The following MGAT4B variants were observed in gnomAD, a reference collection of about 807,000 sequenced individuals.
The protein encoded by MGAT4B is N-acetylglucosaminyltransferase IVb.
MGAT4B carries 38 observed loss-of-function variants against 73.9 expected under a neutral mutation model. That is an observed-to-expected ratio of 0.51 (90% confidence interval 0.40 to 0.67). The LOEUF (loss-of-function observed/expected upper bound fraction) is 0.67, where lower values mean the gene tolerates loss of function less well. MGAT4B is among the 30% of genes least tolerant of loss of function. The pLI is 0.00. For missense variants in MGAT4B, 686 were observed against 735.2 expected, an observed-to-expected ratio of 0.93 and a Z score of 0.77; for synonymous variants, 373 against 313.5, an observed-to-expected ratio of 1.19 and a Z score of -2.01.
In MGAT4B at chr5:179,800,856, C is replaced by A. The variant is rs370216735; in HGVS notation, c.605+51G>T. On this transcript the variant is annotated intron_variant, in intron 5 of 14. Transcript: ENST00000292591. The stretch of plus-strand genomic sequence containing the variant: ...GAGGCAGGAACCTGCCAGCACAACA[C>A]CCCGCACCGAGCTCTCCCGCCACCA... 44 of 1,595,526 alleles carry A rather than the reference C, an allele frequency of 2.8e-5. No homozygotes were observed. The African/African-American group carries it at 5.0e-4, about 18-fold the overall frequency.
chr5:179,803,047 T>G, intron 1 of MGAT4B: 1 of 985,376 alleles, frequency 1.0e-6, no homozygotes, highest in Non-Finnish European at 1.2e-6. Flanking sequence ...ATGATCAAGG[T>G]CATGATCAGG....
intron 4 of MGAT4B, 40 bp from the exon 5 acceptor site, chr5:179,800,993 G>A (rs756925478): frequency 2.2e-5 from 36 of 1,607,976 alleles, no homozygotes; most frequent in Non-Finnish European, 2.8e-5. Flanking sequence ...CCCTGCTGCT[G>A]CCCCAAAAGG....
Position 179,800,800 on chromosome 5 carries a change from C to A in MGAT4B, c.605+107G>T, listed in dbSNP as rs538850025. On this transcript the variant is annotated intron_variant, in intron 5 of 14. Coordinates refer to ENST00000292591, the MANE Select transcript of MGAT4B (RefSeq NM_014275.5). ...CCTCCCCCACCAGGTCCCTGCCTCCCCACGAGATAGGAAAGGCACTATCTC... is the reference window on the plus strand; with the variant it reads ...CCTCCCCCACCAGGTCCCTGCCTCCACACGAGATAGGAAAGGCACTATCTC... The A allele has an allele frequency of 1.1e-4, 143 of 1,327,136 alleles. 1 individual carries two copies. In the African/African-American group the frequency reaches 2.0e-3, roughly 18 times the overall value. 82.2% of individuals were successfully genotyped at this position (1,327,136 alleles called of 1,614,324 possible).
chr5:179,800,933 C>T lies in MGAT4B; in HGVS notation c.579G>A (p.Ser193=), dbSNP rs200706511. The T allele has an allele frequency of 2.1e-5, 34 of 1,613,876 alleles. No homozygotes were observed. The highest frequency in any genetic ancestry group is 1.7e-4 in the Middle Eastern group (1 of 6,060). Residue 193 remains serine, a synonymous_variant, in exon 5 of 15, where the codon TCG becomes TCA. Transcript: ENST00000292591. ...LIAETDSQYT[S]AVTENIKALF... ...AGGCCTTGATGTTCTCTGTCACTGC[C>T]GAAGTGTACTGTGAGTCAGTCTGTG...
rs757679065 is a variant in MGAT4B at position 179,801,435 on chromosome 5, G to A, written c.457C>T (p.Arg153Cys). Residue 153 changes from arginine (R) to cysteine (C), a missense_variant, in exon 4 of 15, where the codon CGC becomes TGC. Coordinates refer to ENST00000292591, the MANE Select transcript of MGAT4B (RefSeq NM_014275.5). This position sits in a 1 kb window ranked among gnomAD's most constrained non-coding sequence, Gnocchi z 4.8. ...SVVMGIPSVR[R>C]EVHSYLTDTL... Reference sequence around the variant, plus strand: ...TCAGTCAGGTACGAGTGCACCTCGCGCCGCACGCTCGGGATGCCCATCACC... The same window carrying A: ...TCAGTCAGGTACGAGTGCACCTCGCACCGCACGCTCGGGATGCCCATCACC... The A allele has an allele frequency of 1.9e-6, 3 of 1,610,462 alleles. No individual in the cohort carries two copies. The highest frequency in any genetic ancestry group is 1.3e-5 in the African/African-American group (1 of 74,896).
chr5:179,798,504 C>T lies in MGAT4B; in HGVS notation c.1422+9G>A, dbSNP rs79572903. 2.4e-3 allele frequency: 3,799 copies of T among 1,613,454 alleles called. 78 individuals carry two copies. In the African/African-American group the frequency reaches 0.045, roughly 19 times the overall value. ...CGGCTTCAGTGCACACCACACCCAC[C>T]GAACTTACGTCGAAGGGCAGCACCT... On this transcript the variant is annotated intron_variant, in intron 12 of 14. Coordinates refer to ENST00000292591, the MANE Select transcript of MGAT4B (RefSeq NM_014275.5).
At position 179,800,251 on chromosome 5, in the gene MGAT4B, G is replaced by T; in HGVS notation, c.728C>A (p.Thr243Asn). The T allele has an allele frequency of 1.2e-6, 2 of 1,613,340 alleles. No individual in the cohort carries two copies. Among genetic ancestry groups the T allele is most frequent in the Non-Finnish European group, 1.7e-6 (2 of 1,179,994 alleles). ...GAAGCAGTAATCGAGGTTCTGTTTG[G>T]TCCTCCACCTGTGGGCCGGGGCGGG... ...GDPKERVRWR[T>N]KQNLDYCFLM... The change falls in exon 7 of 15, where the codon ACC (threonine) becomes AAC (asparagine). Residue 243 changes from threonine (T) to asparagine (N), a missense_variant. Physicochemically the swap from Thr to Asn is moderately conservative, Grantham distance 65. Around this residue, in one of 2 missense-constraint regions of MGAT4B, gnomAD observed 449 missense variants for 536.8 expected, o/e 0.84. Coordinates refer to ENST00000292591, the MANE Select transcript of MGAT4B (RefSeq NM_014275.5).
At position 179,798,410 on chromosome 5, in the gene MGAT4B, G is replaced by A; in HGVS notation, c.1447C>T (p.Leu483=). ...FDNPQSDKEA[L]QEGRTATLRY... is the part of the protein sequence containing the mutation. Reference sequence around the variant, plus strand: ...AGGGTGGCGGTGCGGCCCTCCTGCAGGGCCTCCTTGTCTGACTGAGGGTTC... The same window carrying A: ...AGGGTGGCGGTGCGGCCCTCCTGCAAGGCCTCCTTGTCTGACTGAGGGTTC... Residue 483 remains leucine (L), a synonymous_variant, in exon 13 of 15, where the codon CTG becomes TTG. Transcript: ENST00000292591. The A allele has an allele frequency of 6.2e-7, 1 of 1,612,622 alleles. No individual in the cohort carries two copies.
At chr5:179,799,810 G>A (rs1022671251) in intron 8 of MGAT4B, 144 bp downstream of exon 8, 19 of 1,232,748 alleles carry the variant, frequency 1.5e-5, no homozygotes, top group African/African-American at 6.8e-5. Context: ...CAGGCAATGA[G>A]AACAGGCCAG....
intron 7 of MGAT4B, 30 bp from the exon 8 acceptor site, chr5:179,800,098 TG>T: frequency 6.2e-7 from 1 of 1,610,826 alleles, no homozygotes; most frequent in Non-Finnish European, 8.5e-7. Flanking sequence ...GGGCTGGGGC[TG>T]AGGAAGGGCA....
chr5:179,802,388 G>GTGC (rs1581978521), intron 1 of MGAT4B: 7 of 1,243,848 alleles, frequency 5.6e-6, no homozygotes, highest in Non-Finnish European at 7.1e-6. Context: ...CAAGGTCCTG[G>GTGC]TGCTAGCTCT....
rs1017204017 is a variant in MGAT4B, at chr5:179,806,603, G to A, written c.-20C>T. 5.4e-5 allele frequency: 66 copies of A among 1,221,994 alleles called. No homozygotes were observed. The highest frequency in any genetic ancestry group is 6.5e-5 in the Non-Finnish European group (62 of 951,258). 75.7% of individuals were successfully genotyped at this position (1,221,994 alleles called of 1,614,324 possible). A position where few individuals can be genotyped will look rare whatever the true frequency, so the allele number is the denominator to read the frequency against. On this transcript the variant is annotated 5_prime_UTR_variant, in exon 1 of 15. Coordinates refer to ENST00000292591, the MANE Select transcript of MGAT4B (RefSeq NM_014275.5). The surrounding 1 kb of genome is among the most constrained non-coding windows in gnomAD (Gnocchi z 4.6). Reference sequence around the variant, plus strand: ...CCTCATCTCCTCGGGTGCGCGGCGGGCGCCCGCGGGGCCGAGGCTGCATGG... The same window carrying A: ...CCTCATCTCCTCGGGTGCGCGGCGGACGCCCGCGGGGCCGAGGCTGCATGG...
chr5:179,801,292 C>A lies in MGAT4B; in HGVS notation c.558+42G>T. The A allele has an allele frequency of 6.3e-7, 1 of 1,578,380 alleles. No individual in the cohort carries two copies. The highest frequency in any genetic ancestry group is 1.7e-5 in the Admixed American group (1 of 58,008). ...TGCTGTCAGTTCTGCACCGCGGGGG[C>A]TCCTCTGAATGTCCCCCAACCCCGC... On this transcript the variant is annotated intron_variant, in intron 4 of 14. Transcript: ENST00000292591. This position sits in a 1 kb window ranked among gnomAD's most constrained non-coding sequence, Gnocchi z 4.8.
intron 1 of MGAT4B, among the ~76,000 whole-genome samples, chr5:179,805,983 TC>T (rs1757135577): frequency 6.8e-6 from 1 of 146,446 alleles, no homozygotes; most frequent in African/African-American, 2.5e-5. Flanking sequence ...GACGCCTCCC[TC>T]CCTCCCTCCC....
At position 179,800,592 on chromosome 5, in the gene MGAT4B, G is replaced by A. The variant is rs747632059; in HGVS notation, c.611C>T (p.Pro204Leu). 2 of 1,598,438 alleles carry A rather than the reference G, an allele frequency of 1.3e-6. No individual in the cohort carries two copies. Among genetic ancestry groups the A allele is most frequent in the Non-Finnish European group, 1.7e-6 (2 of 1,169,106 alleles). The change falls in exon 6 of 15, where the codon CCC becomes CTC. Residue 204 changes from proline (P) to leucine (L), a missense_variant. By Grantham distance (98) the Pro-to-Leu change is moderately conservative. This residue lies in a region of MGAT4B where 449 missense variants were observed against 536.8 expected (regional missense o/e 0.84). Coordinates refer to ENST00000292591, the MANE Select transcript of MGAT4B (RefSeq NM_014275.5). ...AVTENIKALF[P>L]TEIHSGLLEV... is the part of the protein sequence containing the mutation. ...CAGGAGCCCAGAATGGATCTCCGTGGGGAACCTGGGGGACGGGAAGGCCTA... is the reference window on the plus strand; with the variant it reads ...CAGGAGCCCAGAATGGATCTCCGTGAGGAACCTGGGGGACGGGAAGGCCTA...
chr5:179,798,623 G>C (rs772212515), intron 11 of MGAT4B, 32 bp from the exon 12 acceptor site: 1 of 1,610,064 alleles, frequency 6.2e-7, no homozygotes, highest in East Asian at 2.2e-5. Context: ...AGCTGCTGCA[G>C]GGGCAGCGTT....
chr5:179,801,421 C>G lies in MGAT4B; in HGVS notation c.471G>C (p.Ser157=), dbSNP rs753063962. The G allele has an allele frequency of 6.2e-7, 1 of 1,612,146 alleles. No homozygotes were observed. Among genetic ancestry groups the G allele is most frequent in the Non-Finnish European group, 8.5e-7 (1 of 1,179,188 alleles). ...GIPSVRREVH[S]YLTDTLHSLI... Reference sequence around the variant, plus strand: ...GCGAGTGCAGAGTGTCAGTCAGGTACGAGTGCACCTCGCGCCGCACGCTCG... The same window carrying G: ...GCGAGTGCAGAGTGTCAGTCAGGTAGGAGTGCACCTCGCGCCGCACGCTCG... Residue 157 remains serine (S), a synonymous_variant, in exon 4 of 15, where the codon TCG becomes TCC. Transcript: ENST00000292591. The surrounding 1 kb of genome is among the most constrained non-coding windows in gnomAD (Gnocchi z 4.8).
chr5:179,805,292 C>A (rs1757096065), intron 1 of MGAT4B: 2 of 152,360 alleles, frequency 1.3e-5, no homozygotes, highest in Admixed American at 6.5e-5. Flanking sequence ...GGCCTTCATG[C>A]CAGTGTGCTT....
intron 1 of MGAT4B, chr5:179,802,800 C>T (rs1305367155): frequency 1.0e-6 from 1 of 985,492 alleles, no homozygotes; most frequent in Admixed American, 6.1e-5. Flanking sequence ...ATGAGATCAA[C>T]AACCTCCTGG....
Sources: gnomAD v4.1 joint callset for allele counts (sites outside exome capture counted in the v4.1 genomes callset) on GRCh38, gnomAD v4.1.1 for gene constraint, gnomAD v4.1.1 regional missense constraint, Gnocchi (gnomAD v3.1) non-coding constraint, MANE v1.5 for transcripts, NCBI Gene and HGNC (gene_info 2026-07-23, HGNC 2026-07-21) for gene names.